Variants in KAZN observed in about 807,000 individuals in gnomAD.
KAZN encodes kazrin, periplakin interacting protein.
In KAZN, 40 loss-of-function variants were observed where a neutral mutation model predicts 87.4. The ratio of observed to expected loss-of-function variants is 0.46; its 90% confidence interval spans 0.36 to 0.60. The LOEUF (loss-of-function observed/expected upper bound fraction) is 0.60. KAZN is among the 20% of genes least tolerant of loss of function. The probability of loss-of-function intolerance (pLI) is 0.00; values close to 1 mark genes in which losing one functional copy is unlikely to be tolerated. For synonymous variants in KAZN, 466 were observed against 458.3 expected (o/e 1.02, Z -0.22); for missense variants, 898 against 1,073.9 (o/e 0.84, Z 2.29).
chr1:14,141,381 C>A (rs1474107975), intron 1 of KAZN, among the ~76,000 whole-genome samples: 3 of 151,984 alleles, frequency 2.0e-5, no homozygotes, highest in Non-Finnish European at 4.4e-5. Flanking sequence ...GTTCCCGACG[C>A]CCACCTGTTG....
intron 8 of KAZN, among the ~76,000 whole-genome samples, chr1:15,093,400 G>A (rs763988777): frequency 6.6e-5 from 10 of 151,992 alleles, no homozygotes; most frequent in African/African-American, 1.5e-4. Flanking sequence ...AGTTAAGGAC[G>A]CGCGCCCAGG....
intron 1 of KAZN, among the ~76,000 whole-genome samples, chr1:14,623,997 C>T (rs906037715): frequency 2.0e-5 from 3 of 152,124 alleles, no homozygotes; most frequent in Non-Finnish European, 4.4e-5. Context: ...CCCTTGAAAA[C>T]AATGTGTATT....
intron 1 of KAZN, among the ~76,000 whole-genome samples, chr1:14,919,436 C>T (rs186487444): frequency 9.8e-5 from 15 of 152,350 alleles, no homozygotes; most frequent in Admixed American, 7.8e-4. Context: ...CTTGGCCTCC[C>T]GAAGTGCTGG....
chr1:14,129,010 C>T (rs1373633664), intron 1 of KAZN, among the ~76,000 whole-genome samples: 1 of 152,160 alleles, frequency 6.6e-6, no homozygotes, highest in Non-Finnish European at 1.5e-5. Context: ...AAAGTGGATG[C>T]ATTTGTTCTC....
rs1238331659 is a variant in KAZN, at chr1:14,544,205, C to G, written c.250-54778C>G. The stretch of plus-strand genomic sequence containing the variant: ...AAATCTTCCTTTAATTTGGAAAATG[C>G]CTTGAATAGAGATTTCTGAGTTGGG... On this transcript the variant is annotated intron_variant, in intron 2 of 16. Coordinates refer to the KAZN transcript ENST00000636203. Among the ~76,000 whole-genome samples, 5 of 151,730 alleles carry G rather than the reference C, an allele frequency of 3.3e-5. 1 individual carries two copies. The highest frequency in any genetic ancestry group is 2.0e-4 in the Admixed American group (3 of 15,234).
At chr1:14,929,806 G>A (rs1038578809) in intron 1 of KAZN, 5 of 985,452 alleles carry the variant, frequency 5.1e-6, no homozygotes, top group Non-Finnish European at 6.0e-6. Context: ...TCAAGGGAGA[G>A]GGAAGGTCAG....
In KAZN at chr1:14,785,691, G is replaced by A. The variant is rs550830939; in HGVS notation, c.227-174993G>A. ...CCTCAGTCTCCTCATCTCTAAGATG[G>A]AGATGAGAATAATATCTTTCTTAGA... On this transcript the variant is annotated intron_variant, in intron 1 of 14. Transcript: ENST00000376030. 5.3e-5 allele frequency among the ~76,000 whole-genome samples: 8 copies of A among 152,276 alleles called. No homozygotes were observed. In the South Asian group the frequency reaches 1.7e-3, roughly 32 times the overall value.
chr1:14,147,262 A>G (rs1211808809), intron 1 of KAZN, among the ~76,000 whole-genome samples: 1 of 152,130 alleles, frequency 6.6e-6, no homozygotes, highest in African/African-American at 2.4e-5. Context: ...TTTCCACTGC[A>G]AGGGGGTTTT....
chr1:14,965,277 T>C (rs1664330435), intron 2 of KAZN, among the ~76,000 whole-genome samples: 1 of 152,034 alleles, frequency 6.6e-6, no homozygotes, highest in African/African-American at 2.4e-5. Flanking sequence ...GGGTCGGCTT[T>C]CCAAAGTGCT....
At chr1:15,039,051 A>C (rs76140061) in intron 3 of KAZN, among the ~76,000 whole-genome samples, 1 of 149,090 alleles carries the variant, frequency 6.7e-6, no homozygotes, top group African/African-American at 2.5e-5. Context: ...CTGTATACAG[A>C]CACGAATGTG....
chr1:14,071,343 G>C (rs1361599872), intron 1 of KAZN, among the ~76,000 whole-genome samples: 1 of 152,160 alleles, frequency 6.6e-6, no homozygotes, highest in Non-Finnish European at 1.5e-5. Context: ...TGGGGGGACT[G>C]TTTGGCTGGC....
At chr1:14,942,036 C>T (rs1208001174) in intron 1 of KAZN, among the ~76,000 whole-genome samples, 3 of 152,236 alleles carry the variant, frequency 2.0e-5, no homozygotes, top group Non-Finnish European at 4.4e-5. Flanking sequence ...AGGGCTTGTT[C>T]GTGTCCCAAG....
At chr1:14,319,016 TTA>T (rs1479535992) in intron 2 of KAZN, among the ~76,000 whole-genome samples, 3 of 22,202 alleles carry the variant, frequency 1.4e-4, no homozygotes, top group Admixed American at 5.1e-4. Flanking sequence ...TTATTTTTAT[TTA>T]TTTATTTATT....
At chr1:15,012,395 C>T (rs893162588) in intron 2 of KAZN, among the ~76,000 whole-genome samples, 5 of 152,278 alleles carry the variant, frequency 3.3e-5, no homozygotes, top group Middle Eastern at 3.4e-3. Context: ...CAGTTAAGCC[C>T]AAATCTCCCA....
chr1:14,618,489 G>A (rs1022128539), intron 1 of KAZN, among the ~76,000 whole-genome samples: 1 of 152,252 alleles, frequency 6.6e-6, no homozygotes, highest in Non-Finnish European at 1.5e-5. Flanking sequence ...CAATGGCAAT[G>A]ATGAAGATAA....
At chr1:14,087,996 T>G (rs1004031858) in intron 1 of KAZN, among the ~76,000 whole-genome samples, 1 of 145,226 alleles carries the variant, frequency 6.9e-6, no homozygotes, top group African/African-American at 2.6e-5. Context: ...CTCTTGCTGT[T>G]TTTTTTTTTT....
At chr1:14,945,552 C>G (rs182880695) in intron 1 of KAZN, among the ~76,000 whole-genome samples, 7 of 152,222 alleles carry the variant, frequency 4.6e-5, no homozygotes, top group South Asian at 2.1e-4. Context: ...CCCCTCCCCC[C>G]ACCCCGGCTG....
intron 2 of KAZN, among the ~76,000 whole-genome samples, chr1:14,341,895 TG>T (rs1282617273): frequency 6.6e-6 from 1 of 152,206 alleles, no homozygotes; most frequent in African/African-American, 2.4e-5. Context: ...ATTTGTGACA[TG>T]GGGGTTTGTC....
At chr1:15,071,038 A>C (rs1639482069) in intron 8 of KAZN, among the ~76,000 whole-genome samples, 1 of 152,176 alleles carries the variant, frequency 6.6e-6, no homozygotes, top group African/African-American at 2.4e-5. Context: ...ATGAATAGGG[A>C]ACATGTATCA....
Sources: allele counts gnomAD v4.1 joint callset (sites outside exome capture counted in the v4.1 genomes callset), GRCh38; gene constraint gnomAD v4.1.1; transcripts MANE v1.5; gene names NCBI Gene and HGNC (gene_info 2026-07-23, HGNC 2026-07-21).